ZNF516: variants seen among roughly 807,000 people sequenced by gnomAD.
ZNF516 encodes the protein zinc finger protein 516.
A neutral mutation model predicts 79.7 loss-of-function variants in ZNF516; 19 were observed. The observed-to-expected ratio is 0.24, with a 90% CI of 0.17 to 0.35. ZNF516 has a LOEUF of 0.35. Among genes scored for constraint, ZNF516 ranks in the 10% least tolerant of loss-of-function variants. ZNF516 has a pLI of 1.00. For missense variants in ZNF516, 1,678 were observed against 1,679.5 expected, an observed-to-expected ratio of 1.00 and a Z score of 0.02; for synonymous variants, 877 against 739.5, an observed-to-expected ratio of 1.19 and a Z score of -3.02.
At chr18:76,423,683 C>A (rs1476173942) in intron 3 of ZNF516, among the ~76,000 whole-genome samples, 1 of 135,572 alleles carries the variant, frequency 7.4e-6, no homozygotes, top group South Asian at 2.6e-4. Flanking sequence ...AACATACACA[C>A]GCAGGTGAAA....
chr18:76,469,284 T>C (rs553890098), intron 1 of ZNF516, among the ~76,000 whole-genome samples: 11 of 152,190 alleles, frequency 7.2e-5, no homozygotes, highest in Non-Finnish European at 1.0e-4. Flanking sequence ...TTATTAAGGA[T>C]TTGCAGTCCT....
chr18:76,391,986 A>T (rs6565886), intron 3 of ZNF516, among the ~76,000 whole-genome samples: 4 of 152,158 alleles, frequency 2.6e-5, no homozygotes, highest in East Asian at 3.9e-4. Flanking sequence ...GAGGCAAACA[A>T]CACCACGGTC....
At chr18:76,488,365 T>A in intron 1 of ZNF516, 1 of 565,692 alleles carries the variant, frequency 1.8e-6, no homozygotes, top group Non-Finnish European at 2.2e-6. Context: ...GGATGCTAGT[T>A]AGGCAATAAA....
At chr18:76,396,995 G>A (rs1319731708) in intron 3 of ZNF516, among the ~76,000 whole-genome samples, 2 of 152,174 alleles carry the variant, frequency 1.3e-5, no homozygotes, top group African/African-American at 4.8e-5. Flanking sequence ...TTCTCCTCCT[G>A]AAACACAAAA....
At chr18:76,391,342 A>T (rs1187588380) in intron 3 of ZNF516, among the ~76,000 whole-genome samples, 2 of 152,020 alleles carry the variant, frequency 1.3e-5, no homozygotes. Context: ...ACTAACATGA[A>T]CACCTGATCC....
Position 76,379,765 on chromosome 18 carries a change from G to A in ZNF516, c.2349C>T (p.His783=). 1 of 1,613,924 alleles carries A rather than the reference G, an allele frequency of 6.2e-7. No homozygotes were observed. Among genetic ancestry groups the A allele is most frequent in the Non-Finnish European group, 8.5e-7 (1 of 1,179,866 alleles). Residue 783 remains histidine, a synonymous_variant, in exon 4 of 7, where the codon CAC becomes CAT. Coordinates refer to ENST00000443185, the MANE Select transcript of ZNF516 (RefSeq NM_014643.4). ...EVLWMHKRIW[H]RVSCNSVAPP... is the part of the protein sequence containing the mutation. ...GAGCCACGGAGTTGCAGCTGACGCG[G>A]TGCCAGATGCGTTTGTGCATCCACA...
At chr18:76,423,883 T>C (rs77164063) in intron 3 of ZNF516, among the ~76,000 whole-genome samples, 39 of 100,220 alleles carry the variant, frequency 3.9e-4, no homozygotes, top group African/African-American at 4.9e-4. Flanking sequence ...GGTGAAAAGG[T>C]TCCCCCGAAA....
chr18:76,436,676 G>T (rs986311500), intron 3 of ZNF516, among the ~76,000 whole-genome samples: 6 of 152,048 alleles, frequency 3.9e-5, no homozygotes, highest in African/African-American at 1.4e-4. Flanking sequence ...CACCCAGCAG[G>T]CTTGGCCGCA....
Position 76,441,233 on chromosome 18 carries a change from A to G in ZNF516, c.1810+12T>C, listed in dbSNP as rs761348482. The G allele has an allele frequency of 6.2e-7, 1 of 1,606,482 alleles. No individual in the cohort carries two copies. Among genetic ancestry groups the G allele is most frequent in the Non-Finnish European group, 8.5e-7 (1 of 1,177,512 alleles). On this transcript the variant is annotated intron_variant, in intron 3 of 6. Transcript: ENST00000443185. ...ATCCCAGGACCCAGGCCACCTGGGT[A>G]CACTTGCTCACCTGGTGCAGGTTCA...
intron 3 of ZNF516, among the ~76,000 whole-genome samples, chr18:76,394,822 G>A (rs7244410): frequency 0.7 from 11,952 of 17,120 alleles, 4,161 homozygotes; most frequent in South Asian, 0.79. Flanking sequence ...GGGGGAAGGC[G>A]GGTGGTCAGG....
intron 3 of ZNF516, among the ~76,000 whole-genome samples, chr18:76,424,466 G>A (rs1194943790): frequency 6.8e-6 from 1 of 146,038 alleles, no homozygotes; most frequent in East Asian, 2.1e-4. Flanking sequence ...GACACACGCA[G>A]GTGAAAAGGT....
chr18:76,455,810 C>A (rs1912688250), intron 2 of ZNF516, among the ~76,000 whole-genome samples: 1 of 152,216 alleles, frequency 6.6e-6, no homozygotes, highest in African/African-American at 2.4e-5. Flanking sequence ...GCACAAACCT[C>A]TGTGGGAGAG....
At chr18:76,445,269 A>C (rs1054591685) in intron 2 of ZNF516, among the ~76,000 whole-genome samples, 11 of 144,160 alleles carry the variant, frequency 7.6e-5, no homozygotes, top group Admixed American at 3.5e-4. Context: ...AAAAAAAAAA[A>C]ACAACAACAA....
chr18:76,392,698 G>T (rs1369241135), intron 3 of ZNF516, among the ~76,000 whole-genome samples: 2 of 65,082 alleles, frequency 3.1e-5, no homozygotes, highest in African/African-American at 2.1e-4. Flanking sequence ...CAGGTGACCA[G>T]GTGGGGGAAA....
intron 6 of ZNF516, among the ~76,000 whole-genome samples, chr18:76,364,319 G>A (rs2074582742): frequency 1.3e-5 from 2 of 152,100 alleles, no homozygotes; most frequent in Non-Finnish European, 2.9e-5. Context: ...ATTCAATAAA[G>A]CAGCCCTAGA....
chr18:76,362,862 G>T (rs906717507), intron 6 of ZNF516, among the ~76,000 whole-genome samples: 2 of 152,208 alleles, frequency 1.3e-5, no homozygotes, highest in Non-Finnish European at 2.9e-5. Flanking sequence ...AAGAATGGCA[G>T]ATGATAGTGT....
intron 3 of ZNF516, among the ~76,000 whole-genome samples, chr18:76,394,841 G>A (rs113097272): frequency 4.9e-5 from 7 of 143,042 alleles, no homozygotes; most frequent in South Asian, 2.3e-4. Context: ...GGTGGGGGGA[G>A]GGCAGGTGGG....
chr18:76,493,704 G>A lies in ZNF516; in HGVS notation c.-272+1440C>T, dbSNP rs1000476665. On this transcript the variant is annotated intron_variant, in intron 1 of 6. Coordinates refer to ENST00000443185, the MANE Select transcript of ZNF516 (RefSeq NM_014643.4). The surrounding 1 kb of genome is among the most constrained non-coding windows in gnomAD (Gnocchi z 5.2). ...CCTGAAAAATCACACTCCCCCTCCA[G>A]TTTCTTCCCCTGCAATGATTTCAAA... 2.0e-5 allele frequency: 3 copies of A among 152,168 alleles called. No individual in the cohort carries two copies. Among genetic ancestry groups the A allele is most frequent in the Non-Finnish European group, 4.4e-5 (3 of 68,056 alleles). 9.4% of individuals were successfully genotyped at this position (152,168 alleles called of 1,614,324 possible).
intron 1 of ZNF516, among the ~76,000 whole-genome samples, chr18:76,487,690 T>G (rs1390421835): frequency 6.6e-6 from 1 of 152,100 alleles, no homozygotes; most frequent in Non-Finnish European, 1.5e-5. Context: ...CATCCAATGG[T>G]GGGTGGGAGG....
Sources: allele counts gnomAD v4.1 joint callset (sites outside exome capture counted in the v4.1 genomes callset), GRCh38; gene constraint gnomAD v4.1.1; non-coding constraint Gnocchi (gnomAD v3.1); transcripts MANE v1.5; gene names NCBI Gene and HGNC (gene_info 2026-07-23, HGNC 2026-07-21).